Variants in SLC15A2 observed in about 807,000 individuals in gnomAD.
SLC15A2 encodes the protein solute carrier family 15 member 2, also known as kidney H(+)/peptide cotransporter.
In SLC15A2, 77 loss-of-function variants were observed where a neutral mutation model predicts 95.5. That is an observed-to-expected ratio of 0.81 (90% CI 0.67 to 0.97). The LOEUF is 0.97. Ranked by LOEUF, SLC15A2 falls within the 50% of genes least tolerant of loss-of-function variation. The pLI is 0.00. For synonymous variants in SLC15A2, 306 were observed against 306.9 expected, an observed-to-expected ratio of 1.00 and a Z score of 0.03; for missense variants, 893 against 874.4, an observed-to-expected ratio of 1.02 and a Z score of -0.27.
chr3:121,942,023 T>G lies in SLC15A2; in HGVS notation c.*1016T>G, dbSNP rs1023033109. 6.6e-6 allele frequency: 1 copy of G among 152,258 alleles called. No homozygotes were observed. Among genetic ancestry groups the G allele is most frequent in the African/African-American group, 2.4e-5 (1 of 41,460 alleles). 9.4% of individuals were successfully genotyped at this position (152,258 alleles called of 1,614,324 possible). On this transcript the variant is annotated 3_prime_UTR_variant, in exon 22 of 22. Coordinates refer to ENST00000489711, the MANE Select transcript of SLC15A2 (RefSeq NM_021082.4). ...AAATATCAAAGTAGTTCCTTTTTGATGTTGTTTTCCTGATTTACTTTTCCC... is the reference window on the plus strand; with the variant it reads ...AAATATCAAAGTAGTTCCTTTTTGAGGTTGTTTTCCTGATTTACTTTTCCC...
chr3:121,911,506 C>A, intron 3 of SLC15A2, 68 bp from the exon 4 acceptor site: 2 of 1,068,742 alleles, frequency 1.9e-6, no homozygotes, highest in Non-Finnish European at 2.9e-6. Flanking sequence ...ACAGTATGAA[C>A]CCTAAGTCTG....
At chr3:121,896,644 A>G (rs1368462555) in intron 2 of SLC15A2, 151 bp downstream of exon 2, 1 of 651,674 alleles carries the variant, frequency 1.5e-6, no homozygotes, top group Non-Finnish European at 2.7e-6. Flanking sequence ...CAAGACTTCC[A>G]ATAAATCTCT....
chr3:121,940,515 A>C, intron 21 of SLC15A2, 27 bp downstream of exon 21: 1 of 1,566,430 alleles, frequency 6.4e-7, no homozygotes, highest in Non-Finnish European at 8.8e-7. Flanking sequence ...AGCAGGATTC[A>C]TTTCTACTCA....
At chr3:121,934,831 T>A (rs1039560338) in intron 19 of SLC15A2, among the ~76,000 whole-genome samples, 1 of 152,062 alleles carries the variant, frequency 6.6e-6, no homozygotes, top group South Asian at 2.1e-4. Context: ...AGGGCATCCC[T>A]GTCTTGTGCC....
chr3:121,917,576 T>A (rs1316660193), intron 7 of SLC15A2, among the ~76,000 whole-genome samples: 1 of 151,948 alleles, frequency 6.6e-6, no homozygotes, highest in African/African-American at 2.4e-5. Context: ...TGATCCCAAC[T>A]ATTTGGGAGG....
chr3:121,914,823 A>C (rs1709849977), intron 5 of SLC15A2: 1 of 193,226 alleles, frequency 5.2e-6, no homozygotes, highest in South Asian at 1.8e-4. Context: ...GCGCCACTGC[A>C]TTCCAGCCTG....
intron 19 of SLC15A2, among the ~76,000 whole-genome samples, chr3:121,934,863 C>T (rs886783300): frequency 8.6e-5 from 13 of 151,620 alleles, no homozygotes; most frequent in Non-Finnish European, 1.8e-4. Flanking sequence ...GGAATGCTTC[C>T]AGTTTTTGCC....
chr3:121,926,913 G>A (rs888638365), intron 13 of SLC15A2, among the ~76,000 whole-genome samples: 2 of 152,248 alleles, frequency 1.3e-5, no homozygotes, highest in African/African-American at 4.8e-5. Context: ...GGAGTCAAAG[G>A]AGATTATTCT....
chr3:121,930,829 T>C lies in SLC15A2; in HGVS notation c.1554-11T>C. ...GTTTGTTTGATATGTAAATAATATC[T>C]CTACCCTCAGGTTTGTTAACACTTT... On this transcript the variant is annotated splice_polypyrimidine_tract_variant and intron_variant, in intron 17 of 21. Coordinates refer to ENST00000489711, the MANE Select transcript of SLC15A2 (RefSeq NM_021082.4). The C allele has an allele frequency of 6.5e-7, 1 of 1,541,962 alleles. No individual in the cohort carries two copies. Among genetic ancestry groups the C allele is most frequent in the Non-Finnish European group, 9.0e-7 (1 of 1,114,886 alleles).
chr3:121,904,136 A>G (rs1381621987), intron 3 of SLC15A2, among the ~76,000 whole-genome samples: 1 of 152,036 alleles, frequency 6.6e-6, no homozygotes, highest in African/African-American at 2.4e-5. Context: ...TTCACTCATG[A>G]TTTGGCTCTC....
chr3:121,920,371 C>T (rs971532369), intron 7 of SLC15A2, among the ~76,000 whole-genome samples: 33 of 152,180 alleles, frequency 2.2e-4, no homozygotes, highest in Non-Finnish European at 1.0e-4. Context: ...TCTCAGCTCA[C>T]TGCAACCTCC....
chr3:121,938,269 G>T (rs377339345), intron 19 of SLC15A2, among the ~76,000 whole-genome samples: 48 of 152,032 alleles, frequency 3.2e-4, no homozygotes, highest in African/African-American at 6.5e-4. Context: ...CAGGCAGGCC[G>T]CCTTGAGCTG....
At chr3:121,934,268 A>G (rs1366634733) in intron 19 of SLC15A2, among the ~76,000 whole-genome samples, 1 of 152,196 alleles carries the variant, frequency 6.6e-6, no homozygotes, top group Non-Finnish European at 1.5e-5. Flanking sequence ...TTCCATATGA[A>G]CTGTAAAGTA....
Position 121,929,755 on chromosome 3 carries a change from C to T in SLC15A2, c.1553+407C>T, listed in dbSNP as rs115852990. On this transcript the variant is annotated intron_variant, in intron 17 of 21. Transcript: ENST00000489711. The stretch of plus-strand genomic sequence containing the variant: ...AGTTTTTATTATAAGCCTGTAGAGG[C>T]ATCATGGTATAGCACACATTTGGAG... Among the ~76,000 whole-genome samples the T allele has an allele frequency of 3.8e-3, 576 of 152,190 alleles. 4 individuals are homozygous for T. The highest frequency in any genetic ancestry group is 0.012 in the African/African-American group (511 of 41,528).
Position 121,894,516 on chromosome 3 carries a change from T to C in SLC15A2, c.40T>C (p.Phe14Leu), listed in dbSNP as rs746120243. Residue 14 changes from phenylalanine (F) to leucine (L), a missense_variant, in exon 1 of 22, where the codon TTT (phenylalanine) becomes CTT (leucine). Coordinates refer to ENST00000489711, the MANE Select transcript of SLC15A2 (RefSeq NM_021082.4). ...FQKNESKETLFSPVSIEEVPP... is the reference protein window; with the variant it reads ...FQKNESKETLLSPVSIEEVPP... The stretch of plus-strand genomic sequence containing the variant: ...GAAAAATGAGTCCAAGGAAACTCTT[T>C]TTTCACCTGTCTCCATTGAAGAGGT... 4 of 1,613,534 alleles carry C rather than the reference T, an allele frequency of 2.5e-6. No individual in the cohort carries two copies. Among genetic ancestry groups the C allele is most frequent in the Non-Finnish European group, 3.4e-6 (4 of 1,179,802 alleles).
chr3:121,940,416 A>G lies in SLC15A2; in HGVS notation c.1941A>G (p.Ala647=). Residue 647 remains alanine (A), a synonymous_variant, in exon 21 of 22, where the codon GCA becomes GCG. Coordinates refer to ENST00000489711, the MANE Select transcript of SLC15A2 (RefSeq NM_021082.4). ...CTAGCATGAAATCTGTGCTCCAGGC[A>G]GCTTGGCTATTGACAATTGCAGTTG... The part of the protein sequence containing the change: ...APSSMKSVLQ[A]AWLLTIAVGN... The G allele has an allele frequency of 6.2e-7, 1 of 1,614,114 alleles. No homozygotes were observed. Among genetic ancestry groups the G allele is most frequent in the Non-Finnish European group, 8.5e-7 (1 of 1,179,980 alleles).
At position 121,941,110 on chromosome 3, in the gene SLC15A2, G is replaced by C. The variant is rs559591002; in HGVS notation, c.*103G>C. 4 of 1,024,850 alleles carry C rather than the reference G, an allele frequency of 3.9e-6. No individual in the cohort carries two copies. In the South Asian group the frequency reaches 7.1e-5, roughly 18 times the overall value. 63.5% of individuals were successfully genotyped at this position (1,024,850 alleles called of 1,614,324 possible). A position where few individuals can be genotyped will look rare whatever the true frequency, so the allele number is the denominator to read the frequency against. On this transcript the variant is annotated 3_prime_UTR_variant, in exon 22 of 22. Coordinates refer to ENST00000489711, the MANE Select transcript of SLC15A2 (RefSeq NM_021082.4). ...AGAGAGATAGCAGCATATCAGAGCT[G>C]ATCTCCTCCACCTTTCTCCAATGAC...
chr3:121,900,420 T>C (rs1709498881), intron 3 of SLC15A2, among the ~76,000 whole-genome samples: 1 of 152,204 alleles, frequency 6.6e-6, no homozygotes, highest in Non-Finnish European at 1.5e-5. Context: ...GCTTCCCATC[T>C]CTTTTTCCTA....
At chr3:121,922,932 T>C (rs1710036803) in intron 9 of SLC15A2, 71 bp downstream of exon 9, 7 of 1,537,582 alleles carry the variant, frequency 4.6e-6, no homozygotes, top group South Asian at 1.1e-5. Flanking sequence ...GATTCTATCC[T>C]ACTGCATTCA....
Sources: gnomAD v4.1 joint callset for allele counts (sites outside exome capture counted in the v4.1 genomes callset) on GRCh38, gnomAD v4.1.1 for gene constraint, MANE v1.5 for transcripts, NCBI Gene and HGNC (gene_info 2026-07-23, HGNC 2026-07-21) for gene names.